The following PLCH2 variants were observed in gnomAD, a reference collection of about 807,000 sequenced individuals.
PLCH2 encodes the protein 1-phosphatidylinositol 4,5-bisphosphate phosphodiesterase eta-2.
Under a neutral mutation model 134.7 loss-of-function variants are expected in PLCH2, and 98 were observed. The observed-to-expected ratio is 0.73, with a 90% CI of 0.62 to 0.86. PLCH2 has a LOEUF of 0.86. Among genes scored for constraint, PLCH2 ranks in the 40% least tolerant of loss-of-function variants. The pLI is 0.00. For synonymous variants in PLCH2, 974 were observed against 827.5 expected, an observed-to-expected ratio of 1.18 and a Z score of -3.04; for missense variants, 1,994 against 1,986.6, an observed-to-expected ratio of 1.00 and a Z score of -0.07.
intron 4 of PLCH2, 21 bp downstream of exon 4, chr1:2,480,333 C>G (rs538393782): frequency 6.2e-7 from 1 of 1,606,222 alleles, no homozygotes; most frequent in Non-Finnish European, 8.5e-7. Flanking sequence ...GGGAGCCCTA[C>G]CTGGGCTCCA....
At position 2,456,107 on chromosome 1, in the gene PLCH2, C is replaced by T. The variant is rs551138450; in HGVS notation, c.116-22369C>T. On this transcript the variant is annotated intron_variant, in intron 2 of 3. Coordinates refer to the PLCH2 transcript ENST00000609981. ...CTGGGGCAGCATTGGCTGTGGGTGG[C>T]GGTGTTGATGCCGTTTGGGATGCGG... Among the ~76,000 whole-genome samples, 5 of 152,316 alleles carry T rather than the reference C, an allele frequency of 3.3e-5. No homozygotes were observed. In the East Asian group the frequency reaches 5.8e-4, roughly 18 times the overall value.
At chr1:2,421,275 A>G (rs1638504767), upstream of PLCH2, among the ~76,000 whole-genome samples, 3 of 152,156 alleles carry the variant, frequency 2.0e-5, no homozygotes, top group South Asian at 4.1e-4. Context: ...TGAGAAGCCC[A>G]AGGAGCTTTG....
At chr1:2,475,593 G>C (rs1641570180), upstream of PLCH2, among the ~76,000 whole-genome samples, 1 of 152,230 alleles carries the variant, frequency 6.6e-6, no homozygotes. Flanking sequence ...TGAGACGGTG[G>C]GGTGGGTCCT....
intron 2 of PLCH2, among the ~76,000 whole-genome samples, chr1:2,450,671 C>T (rs1263723535): frequency 4.4e-4 from 20 of 45,004 alleles, no homozygotes; most frequent in Non-Finnish European, 6.3e-4. Flanking sequence ...CCCTGCTCCC[C>T]GCCTACCCCC....
intron 11 of PLCH2, among the ~76,000 whole-genome samples, chr1:2,494,121 G>A (rs577751513): frequency 9.8e-5 from 15 of 152,300 alleles, no homozygotes; most frequent in Admixed American, 8.5e-4. Flanking sequence ...GATGTGGTAT[G>A]GGAGCCCCTC....
intron 2 of PLCH2, among the ~76,000 whole-genome samples, chr1:2,443,210 G>A (rs903281838): frequency 4.6e-5 from 7 of 152,228 alleles, no homozygotes; most frequent in African/African-American, 1.4e-4. Context: ...GGGCTGGGCC[G>A]TACCCCGTTC....
rs983289829 is a variant in PLCH2 at position 2,496,967 on chromosome 1, C to T, written c.2073C>T (p.Ser691=). 91 of 1,613,252 alleles carry T rather than the reference C, an allele frequency of 5.6e-5. No individual in the cohort carries two copies. Among genetic ancestry groups the T allele is most frequent in the Non-Finnish European group, 7.5e-5 (89 of 1,179,840 alleles). The part of the protein sequence containing the change: ...IYPSSYRVDS[S]NYNPQPFWNA... ...CCTCCTCCTACCGTGTGGACTCCAG[C>T]AACTACAACCCGCAGCCCTTCTGGA... Residue 691 remains serine, a synonymous_variant, in exon 15 of 22, where the codon AGC becomes AGT. Transcript: ENST00000378486.
rs960874834 is a variant in PLCH2 at position 2,496,954 on chromosome 1, G to A, written c.2060G>A (p.Arg687His). ...QLSRIYPSSY[R>H]VDSSNYNPQP... ...TCCCGCATCTACCCCTCCTCCTACC[G>A]TGTGGACTCCAGCAACTACAACCCG... The change falls in exon 15 of 22, where the codon CGT becomes CAT. Residue 687 changes from arginine (R) to histidine (H), a missense_variant. Arg to His is a conservative substitution (Grantham distance 29). Around this residue, in one of 2 missense-constraint regions of PLCH2, gnomAD observed 1,094 missense variants for 1,234.3 expected, o/e 0.89. Coordinates refer to ENST00000378486, the MANE Select transcript of PLCH2 (RefSeq NM_014638.4). 8.1e-6 allele frequency: 13 copies of A among 1,613,206 alleles called. No homozygotes were observed. The highest frequency in any genetic ancestry group is 3.3e-5 in the Admixed American group (2 of 60,006).
At chr1:2,450,497 A>T (rs1451741156) in intron 2 of PLCH2, among the ~76,000 whole-genome samples, 3 of 145,250 alleles carry the variant, frequency 2.1e-5, no homozygotes, top group Non-Finnish European at 4.5e-5. Flanking sequence ...CCTGCGCCCT[A>T]TACAGCCTGC....
At chr1:2,484,711 G>A (rs973512034) in intron 5 of PLCH2, 93 bp downstream of exon 5, 31 of 1,399,010 alleles carry the variant, frequency 2.2e-5, no homozygotes, top group Non-Finnish European at 2.9e-5. Context: ...AGTGGTGATG[G>A]GGGAGCTGTC....
chr1:2,442,615 T>A (rs1331205007), intron 2 of PLCH2, among the ~76,000 whole-genome samples: 1 of 152,198 alleles, frequency 6.6e-6, no homozygotes, highest in Admixed American at 6.5e-5. Flanking sequence ...ACCACTCATA[T>A]TAGACCCAAA....
At chr1:2,489,434 C>T (rs528440225) in intron 9 of PLCH2, 56 bp downstream of exon 9, 36 of 1,562,526 alleles carry the variant, frequency 2.3e-5, no homozygotes, top group Non-Finnish European at 3.0e-5. Context: ...GGGCCTGCAG[C>T]AGTGCCCTGC....
chr1:2,479,518 G>T, intron 2 of PLCH2: 1 of 538,654 alleles, frequency 1.9e-6, no homozygotes, highest in East Asian at 3.0e-5. Context: ...CCACAGGAAA[G>T]GGAAAGGGGG....
chr1:2,496,230 C>CGACACGGA (rs1642874892), intron 13 of PLCH2, among the ~76,000 whole-genome samples: 1 of 152,168 alleles, frequency 6.6e-6, no homozygotes, highest in South Asian at 2.1e-4. Context: ...GCCACCCGGC[C>CGACACGGA]GACACGGAGG....
chr1:2,453,523 A>G (rs1441690840), intron 2 of PLCH2, among the ~76,000 whole-genome samples: 1 of 152,140 alleles, frequency 6.6e-6, no homozygotes, highest in Non-Finnish European at 1.5e-5. Context: ...CACGGGGCTC[A>G]CAGGACCTCC....
chr1:2,431,641 G>A (rs1265051318), intron 2 of PLCH2, among the ~76,000 whole-genome samples: 2 of 152,132 alleles, frequency 1.3e-5, no homozygotes, highest in Non-Finnish European at 2.9e-5. Context: ...AGGAGCCAGC[G>A]GTCCTATATG....
chr1:2,493,297 CATTTTGGGG>C (rs1361440414), intron 11 of PLCH2: 1 of 152,294 alleles, frequency 6.6e-6, no homozygotes, highest in African/African-American at 2.4e-5. Flanking sequence ...GTCACTGCAG[CATTTTGGGG>C]ATGTTTAAGG....
At chr1:2,471,918 C>A (rs1212063427), upstream of PLCH2, among the ~76,000 whole-genome samples, 1 of 152,226 alleles carries the variant, frequency 6.6e-6, no homozygotes, top group Non-Finnish European at 1.5e-5. Flanking sequence ...CTGCTGAGAG[C>A]TGGAGTGGCT....
At chr1:2,482,292 G>A (rs1642013045) in intron 4 of PLCH2, among the ~76,000 whole-genome samples, 1 of 152,220 alleles carries the variant, frequency 6.6e-6, no homozygotes, top group Non-Finnish European at 1.5e-5. Context: ...TCAGCCACAG[G>A]CCCTGGGAGG....
Sources: gnomAD v4.1 joint callset for allele counts (sites outside exome capture counted in the v4.1 genomes callset) on GRCh38, gnomAD v4.1.1 for gene constraint, gnomAD v4.1.1 regional missense constraint, MANE v1.5 for transcripts, NCBI Gene and HGNC (gene_info 2026-07-23, HGNC 2026-07-21) for gene names.